EPHX1: variants seen among roughly 807,000 people sequenced by gnomAD.
EPHX1 encodes epoxide hydratase.
EPHX1 carries 40 observed loss-of-function variants against 43.2 expected under a neutral mutation model. The observed-to-expected ratio is 0.93, with a 90% CI of 0.72 to 1.21. EPHX1 has a LOEUF of 1.21. Ranked by LOEUF, EPHX1 falls within the 50% of genes most tolerant of loss-of-function variation. The probability of loss-of-function intolerance (pLI) is 0.00; values close to 1 mark genes in which losing one functional copy is unlikely to be tolerated. For synonymous variants in EPHX1, 221 were observed against 226.7 expected (o/e 0.98, Z 0.22); for missense variants, 550 against 570.4 (o/e 0.96, Z 0.36).
intron 7 of EPHX1, among the ~76,000 whole-genome samples, chr1:225,843,301 G>A (rs1307597544): frequency 3.9e-5 from 6 of 152,194 alleles, no homozygotes; most frequent in African/African-American, 7.2e-5. Flanking sequence ...GCTGGATGGA[G>A]GAGAGAAACT....
intron 3 of EPHX1, among the ~76,000 whole-genome samples, chr1:225,832,590 C>A (rs115064317): frequency 6.6e-6 from 1 of 152,224 alleles, no homozygotes; most frequent in African/African-American, 2.4e-5. Context: ...TTGGATCATA[C>A]GGTAATTCTG....
At position 225,828,714 on chromosome 1, in the gene EPHX1, T is replaced by G. The variant is rs753684740; in HGVS notation, c.-5-11T>G. 4 of 1,609,992 alleles carry G rather than the reference T, an allele frequency of 2.5e-6. No homozygotes were observed. In the African/African-American group the frequency reaches 5.4e-5, roughly 22 times the overall value. On this transcript the variant is annotated splice_polypyrimidine_tract_variant and intron_variant, in intron 1 of 8. Transcript: ENST00000272167. ...GGGCTCCGTTGTTAATGGCTTCCCC[T>G]CATCTTGCAGGAGCCATGTGGCTAG...
At chr1:225,843,597 C>A (rs1207634834) in intron 7 of EPHX1, among the ~76,000 whole-genome samples, 1 of 152,160 alleles carries the variant, frequency 6.6e-6, no homozygotes, top group Non-Finnish European at 1.5e-5. Flanking sequence ...TGTGAGGCCC[C>A]ACCAGACTAT....
rs114626139 is a variant in EPHX1 at position 225,822,693 on chromosome 1, C to T, written c.-5-6032C>T. ...GCCACCAGAATTCTGCCCCTTGATG[C>T]TGAGAATGCACCTTCTCCGAACAGA... On this transcript the variant is annotated intron_variant, in intron 1 of 8. Coordinates refer to ENST00000272167, the MANE Select transcript of EPHX1 (RefSeq NM_001136018.4). Among the ~76,000 whole-genome samples, 604 of 152,312 alleles carry T rather than the reference C, an allele frequency of 4.0e-3. 5 individuals are homozygous for T. Among genetic ancestry groups the T allele is most frequent in the African/African-American group, 0.014 (575 of 41,558 alleles).
intron 1 of EPHX1, among the ~76,000 whole-genome samples, chr1:225,816,161 C>T (rs1666716181): frequency 6.6e-6 from 1 of 152,078 alleles, no homozygotes. Context: ...ATGGTGGTGG[C>T]AGGTGCCTGT....
In EPHX1 at chr1:225,839,365, TGGTGTG is replaced by T; in HGVS notation, c.722+20_722+25del. The stretch of plus-strand genomic sequence containing the variant: ...TGCCCAGGTGAGGTCACTGTTGGGG[TGGTGTG>T]TGTGTGTGTGTGTGTGTGTGTGTGT... On this transcript the variant is annotated intron_variant, in intron 5 of 8. Transcript: ENST00000272167. 1 of 1,525,738 alleles carries T rather than the reference TGGTGTG, an allele frequency of 6.6e-7. No individual in the cohort carries two copies. The highest frequency in any genetic ancestry group is 1.8e-4 in the Middle Eastern group (1 of 5,564). The allele number at this position is 1,525,738 out of a possible 1,614,324, so 94.5% of individuals were successfully genotyped here. A position where few individuals can be genotyped will look rare whatever the true frequency, so the allele number is the denominator to read the frequency against.
At chr1:225,811,427 C>A (rs368837450) in intron 1 of EPHX1, among the ~76,000 whole-genome samples, 1 of 152,202 alleles carries the variant, frequency 6.6e-6, no homozygotes, top group Non-Finnish European at 1.5e-5. Context: ...TCTGTGAGGG[C>A]TCAGCTTGTG....
At chr1:225,815,392 ACC>A (rs1666674212) in intron 1 of EPHX1, among the ~76,000 whole-genome samples, 1 of 82,170 alleles carries the variant, frequency 1.2e-5, no homozygotes, top group African/African-American at 3.6e-5. Context: ...GGCGTGCACC[ACC>A]ATGCCCAGCT....
intron 2 of EPHX1, among the ~76,000 whole-genome samples, chr1:225,831,024 C>T (rs1667558958): frequency 6.6e-6 from 1 of 152,262 alleles, no homozygotes; most frequent in East Asian, 1.9e-4. Context: ...CACCCCCATT[C>T]ATCTGTGCAT....
chr1:225,827,347 CCCT>C (rs1667297380), intron 1 of EPHX1, among the ~76,000 whole-genome samples: 1 of 152,134 alleles, frequency 6.6e-6, no homozygotes, highest in Admixed American at 6.5e-5. Flanking sequence ...CATCTAGAGA[CCCT>C]CCTCTGACTC....
chr1:225,831,691 G>A (rs1290699459), intron 2 of EPHX1, 88 bp from the exon 3 acceptor site: 4 of 1,355,938 alleles, frequency 2.9e-6, no homozygotes, highest in Non-Finnish European at 4.2e-6. Context: ...GTGGCTGCAG[G>A]GTTTGCTGTG....
chr1:225,818,893 A>G (rs1666848147), intron 1 of EPHX1, among the ~76,000 whole-genome samples: 1 of 148,280 alleles, frequency 6.7e-6, no homozygotes, highest in Non-Finnish European at 1.5e-5. Flanking sequence ...GTTTGAGACC[A>G]GCCTGGGCAA....
At chr1:225,816,777 G>A (rs1165298982) in intron 1 of EPHX1, among the ~76,000 whole-genome samples, 2 of 152,212 alleles carry the variant, frequency 1.3e-5, no homozygotes, top group African/African-American at 4.8e-5. Context: ...AGGCAGCAGG[G>A]CCAGGCAGCA....
At chr1:225,839,763 A>G (rs1327477862) in intron 5 of EPHX1, 66 bp from the exon 6 acceptor site, 124 of 1,533,978 alleles carry the variant, frequency 8.1e-5, no homozygotes, top group Middle Eastern at 4.6e-4. Flanking sequence ...TTCCTCCGCC[A>G]TCTCTCCTCT....
chr1:225,824,185 C>T (rs1316755712), intron 1 of EPHX1, among the ~76,000 whole-genome samples: 1 of 152,006 alleles, frequency 6.6e-6, no homozygotes, highest in Admixed American at 6.6e-5. Context: ...GGCTGACCCA[C>T]CAGATAGGGG....
chr1:225,819,587 T>A lies in EPHX1; in HGVS notation c.-5-9138T>A, dbSNP rs140627921. ...GTTCAGCTGCCAGAACTTACTGATATCTGTGGCGGAGTGAAGGAGAGGGGT... is the reference window on the plus strand; with the variant it reads ...GTTCAGCTGCCAGAACTTACTGATAACTGTGGCGGAGTGAAGGAGAGGGGT... On this transcript the variant is annotated intron_variant, in intron 1 of 8. Transcript: ENST00000272167. 1.8e-3 allele frequency among the ~76,000 whole-genome samples: 274 copies of A among 152,152 alleles called. 2 individuals are homozygous for A. Among genetic ancestry groups the A allele is most frequent in the African/African-American group, 6.3e-3 (263 of 41,498 alleles).
At chr1:225,829,001 G>A in intron 2 of EPHX1, 89 bp downstream of exon 2, 2 of 1,443,590 alleles carry the variant, frequency 1.4e-6, no homozygotes, top group South Asian at 1.2e-5. Context: ...ATGCGGGAGG[G>A]GACGGGGGCT....
intron 3 of EPHX1, among the ~76,000 whole-genome samples, chr1:225,834,521 A>G (rs1306846576): frequency 6.6e-6 from 1 of 150,498 alleles, no homozygotes; most frequent in Non-Finnish European, 1.5e-5. Context: ...GCCAGAGAAA[A>G]GCTAAGTCAA....
chr1:225,813,590 C>T (rs1666585542), intron 1 of EPHX1, among the ~76,000 whole-genome samples: 1 of 152,242 alleles, frequency 6.6e-6, no homozygotes, highest in South Asian at 2.1e-4. Context: ...AAACCAAGCT[C>T]ACACTGAGCA....
Sources: allele counts gnomAD v4.1 joint callset (sites outside exome capture counted in the v4.1 genomes callset), GRCh38; gene constraint gnomAD v4.1.1; transcripts MANE v1.5; gene names NCBI Gene and HGNC (gene_info 2026-07-23, HGNC 2026-07-21).